TMEFF2: variants seen among roughly 807,000 people sequenced by gnomAD.
The protein encoded by TMEFF2 is transmembrane protein with EGF like and two follistatin like domains 2, also known as tomoregulin-2.
In TMEFF2, 28 loss-of-function variants were observed where a neutral mutation model predicts 53.8. The observed-to-expected ratio is 0.52, with a 90% CI of 0.39 to 0.71. The LOEUF (loss-of-function observed/expected upper bound fraction) is 0.71, where lower values mean the gene tolerates loss of function less well. Ranked by LOEUF, TMEFF2 falls within the 30% of genes least tolerant of loss-of-function variation. TMEFF2 has a pLI of 0.00. For missense variants in TMEFF2, 353 were observed against 455.2 expected (o/e 0.78, Z 2.04); for synonymous variants, 162 against 166.3 (o/e 0.97, Z 0.20).
intron 4 of TMEFF2, among the ~76,000 whole-genome samples, chr2:192,118,756 AC>A (rs983962335): frequency 1.1e-4 from 16 of 152,152 alleles, no homozygotes; most frequent in Non-Finnish European, 2.2e-4. Context: ...TCTGAGCTAG[AC>A]CTGAGCTGTC....
intron 4 of TMEFF2, among the ~76,000 whole-genome samples, chr2:192,174,428 G>T (rs1231980629): frequency 6.6e-6 from 1 of 151,362 alleles, no homozygotes; most frequent in African/African-American, 2.4e-5. Flanking sequence ...CCTTCTGTTT[G>T]CTTTCTATAT....
intron 4 of TMEFF2, among the ~76,000 whole-genome samples, chr2:192,159,898 C>G (rs1469277972): frequency 3.3e-5 from 5 of 152,098 alleles, no homozygotes; most frequent in African/African-American, 1.2e-4. Flanking sequence ...AAAGTCTGAA[C>G]CAAGAACTTG....
In TMEFF2 at chr2:191,965,818, C is replaced by T. The variant is rs188845956; in HGVS notation, c.746-9440G>A. ...CCTTGGCATTATTTCCTCTAAGAAA[C>T]TTCTGCAATGTTCTCTTCTGTCTCC... On this transcript the variant is annotated intron_variant, in intron 7 of 9. Transcript: ENST00000272771. 1.7e-3 allele frequency among the ~76,000 whole-genome samples: 256 copies of T among 152,252 alleles called. 1 individual carries two copies. Among genetic ancestry groups the T allele is most frequent in the African/African-American group, 5.5e-3 (230 of 41,560 alleles).
intron 2 of TMEFF2, 145 bp from the exon 3 acceptor site, chr2:192,184,628 G>A (rs1336143555): frequency 2.0e-5 from 22 of 1,102,638 alleles, no homozygotes; most frequent in African/African-American, 6.4e-5. Flanking sequence ...CTTTATAAGG[G>A]CATCATTGAA....
chr2:192,021,154 C>T (rs1686850071), intron 5 of TMEFF2, among the ~76,000 whole-genome samples: 1 of 152,132 alleles, frequency 6.6e-6, no homozygotes, highest in Non-Finnish European at 1.5e-5. Context: ...TAAATTCTCA[C>T]ACCAATACTA....
chr2:192,166,410 A>G (rs1190829612), intron 4 of TMEFF2, among the ~76,000 whole-genome samples: 4 of 152,188 alleles, frequency 2.6e-5, no homozygotes. Context: ...GAATTATGTA[A>G]TGGAAAATGG....
chr2:192,023,066 C>T (rs996857060), intron 5 of TMEFF2, among the ~76,000 whole-genome samples: 5 of 151,994 alleles, frequency 3.3e-5, no homozygotes, highest in African/African-American at 1.2e-4. Context: ...ACCTAGTTTG[C>T]CAATATGCAA....
chr2:191,949,907 TAATGTGCTGTCTC>T lies in TMEFF2; in HGVS notation c.*391_*403del. 1.0e-6 allele frequency: 1 copy of T among 997,036 alleles called. No homozygotes were observed. Among genetic ancestry groups the T allele is most frequent in the Non-Finnish European group, 1.2e-6 (1 of 836,934 alleles). The allele number at this position is 997,036 out of a possible 1,614,324, so 61.8% of individuals were successfully genotyped here. ...CCTAGCCACTGAGTCCTGTACGAAC[TAATGTGCTGTCTC>T]AAGATGAGAAGAAACATGAAATATT... On this transcript the variant is annotated 3_prime_UTR_variant, in exon 10 of 10. Coordinates refer to ENST00000272771, the MANE Select transcript of TMEFF2 (RefSeq NM_016192.4).
intron 4 of TMEFF2, among the ~76,000 whole-genome samples, chr2:192,174,578 A>G (rs748083467): frequency 2.6e-5 from 4 of 151,744 alleles, no homozygotes; most frequent in South Asian, 4.1e-4. Flanking sequence ...TAAGATTTCA[A>G]TTGAAGTTCA....
At chr2:192,014,585 G>C (rs1008580117) in intron 5 of TMEFF2, among the ~76,000 whole-genome samples, 15 of 152,272 alleles carry the variant, frequency 9.9e-5, no homozygotes, top group African/African-American at 3.4e-4. Context: ...GAAGGTTACT[G>C]TCTGCTGTAA....
At chr2:192,132,251 T>C (rs1339733078) in intron 4 of TMEFF2, among the ~76,000 whole-genome samples, 1 of 151,636 alleles carries the variant, frequency 6.6e-6, no homozygotes, top group Admixed American at 6.6e-5. Context: ...AGCAATTTAC[T>C]CTTAAAAAGG....
chr2:191,969,937 A>G (rs1430379817), intron 7 of TMEFF2, among the ~76,000 whole-genome samples: 2 of 152,336 alleles, frequency 1.3e-5, no homozygotes, highest in East Asian at 1.9e-4. Flanking sequence ...AAAATCACAG[A>G]ATTTTATAGG....
chr2:192,164,552 AC>A (rs1363838674), intron 4 of TMEFF2, among the ~76,000 whole-genome samples: 5 of 152,016 alleles, frequency 3.3e-5, no homozygotes, highest in African/African-American at 1.2e-4. Flanking sequence ...ACATAGTGAA[AC>A]CCCGTCTCTA....
intron 7 of TMEFF2, among the ~76,000 whole-genome samples, chr2:191,992,150 CTGGGCA>C (rs937333127): frequency 3.3e-5 from 5 of 152,006 alleles, no homozygotes; most frequent in African/African-American, 1.2e-4. Context: ...CTGTAATAGC[CTGGGCA>C]AACATTTTTA....
intron 4 of TMEFF2, among the ~76,000 whole-genome samples, chr2:192,100,336 A>G (rs1226132240): frequency 6.6e-6 from 1 of 152,118 alleles, no homozygotes; most frequent in Non-Finnish European, 1.5e-5. Flanking sequence ...GGCTTTCAGG[A>G]AAGTTTGACT....
At chr2:192,095,503 A>C (rs1259509783) in intron 4 of TMEFF2, among the ~76,000 whole-genome samples, 1 of 152,160 alleles carries the variant, frequency 6.6e-6, no homozygotes, top group African/African-American at 2.4e-5. Flanking sequence ...ATAAAATTAT[A>C]CAGTTATGAG....
At chr2:192,137,893 C>G (rs1044635567) in intron 4 of TMEFF2, among the ~76,000 whole-genome samples, 1 of 151,778 alleles carries the variant, frequency 6.6e-6, no homozygotes, top group Non-Finnish European at 1.5e-5. Flanking sequence ...ACCTCCACCC[C>G]CACAGTTCAA....
chr2:192,137,733 ACATC>A (rs1281517636), intron 4 of TMEFF2, among the ~76,000 whole-genome samples: 1 of 150,296 alleles, frequency 6.7e-6, no homozygotes, highest in Non-Finnish European at 1.5e-5. Context: ...TGAGTAAAAT[ACATC>A]TATCTATATA....
rs1421361632 is a variant in TMEFF2, at chr2:192,061,145, A to G, written c.440-3370T>C. Among the ~76,000 whole-genome samples, 7 of 152,168 alleles carry G rather than the reference A, an allele frequency of 4.6e-5. No homozygotes were observed. In the East Asian group the frequency reaches 7.7e-4, roughly 17 times the overall value. On this transcript the variant is annotated intron_variant, in intron 4 of 9. Coordinates refer to ENST00000272771, the MANE Select transcript of TMEFF2 (RefSeq NM_016192.4). Reference sequence around the variant, plus strand: ...GTGCCTGCTGAACCCAGTTCTCACTATCATGCTTCCTGTGACTCTTATAAT... The same window carrying G: ...GTGCCTGCTGAACCCAGTTCTCACTGTCATGCTTCCTGTGACTCTTATAAT...
Sources: allele counts gnomAD v4.1 joint callset (sites outside exome capture counted in the v4.1 genomes callset), GRCh38; gene constraint gnomAD v4.1.1; transcripts MANE v1.5; gene names NCBI Gene and HGNC (gene_info 2026-07-23, HGNC 2026-07-21).